SNX25: variants seen among roughly 807,000 people sequenced by gnomAD.
SNX25 encodes the protein sorting nexin 25.
Under a neutral mutation model 113.7 loss-of-function variants are expected in SNX25, and 62 were observed. That is an observed-to-expected ratio of 0.55 (90% confidence interval 0.44 to 0.67). The LOEUF is 0.67. SNX25 is among the 30% of genes least tolerant of loss of function. The pLI is 0.00. For synonymous variants in SNX25, 421 were observed against 436.2 expected (o/e 0.97, Z 0.43); for missense variants, 1,014 against 1,161.0 (o/e 0.87, Z 1.84).
intron 8 of SNX25, among the ~76,000 whole-genome samples, chr4:185,321,387 C>T (rs1039113740): frequency 1.3e-5 from 2 of 151,770 alleles, no homozygotes; most frequent in Admixed American, 6.6e-5. Flanking sequence ...CTCACACTCC[C>T]GAGTAGCTGG....
chr4:185,239,823 G>A (rs1579422538), intron 1 of SNX25, among the ~76,000 whole-genome samples: 1 of 144,294 alleles, frequency 6.9e-6, no homozygotes, highest in Non-Finnish European at 1.5e-5. Context: ...CGCAGAGGGG[G>A]ATTTGGCAGG....
intron 1 of SNX25, among the ~76,000 whole-genome samples, chr4:185,224,300 G>A (rs1438251998): frequency 1.3e-5 from 2 of 150,376 alleles, no homozygotes; most frequent in East Asian, 3.9e-4. Context: ...GTAGTGAGCC[G>A]AGATTGCGCC....
At chr4:185,255,767 C>G (rs1381053636) in intron 2 of SNX25, among the ~76,000 whole-genome samples, 1 of 152,138 alleles carries the variant, frequency 6.6e-6, no homozygotes, top group Admixed American at 6.5e-5. Flanking sequence ...TTTGCTACCT[C>G]TTTGAGCAAG....
At chr4:185,317,596 A>G (rs978384203) in intron 7 of SNX25, among the ~76,000 whole-genome samples, 1 of 152,218 alleles carries the variant, frequency 6.6e-6, no homozygotes, top group Non-Finnish European at 1.5e-5. Flanking sequence ...GATAGACTGG[A>G]AGAAGAAAAT....
At chr4:185,278,799 C>T (rs1002880966) in intron 5 of SNX25, among the ~76,000 whole-genome samples, 8 of 152,074 alleles carry the variant, frequency 5.3e-5, no homozygotes, top group African/African-American at 1.2e-4. Flanking sequence ...GAAACATATA[C>T]GAATGGTGCT....
At chr4:185,339,246 G>T in intron 10 of SNX25, 133 bp from the exon 11 acceptor site, 5 of 707,198 alleles carry the variant, frequency 7.1e-6, no homozygotes, top group South Asian at 3.6e-5. Flanking sequence ...TCTTAATTTT[G>T]TTTTTGGATT....
At chr4:185,297,944 A>G (rs1394739845) in intron 6 of SNX25, among the ~76,000 whole-genome samples, 2 of 152,182 alleles carry the variant, frequency 1.3e-5, no homozygotes, top group Non-Finnish European at 2.9e-5. Context: ...CACAAACCTA[A>G]GTCAACCTTG....
chr4:185,260,532 C>G (rs1747143117), intron 3 of SNX25, among the ~76,000 whole-genome samples: 1 of 152,114 alleles, frequency 6.6e-6, no homozygotes, highest in Non-Finnish European at 1.5e-5. Context: ...CTCAGGAGAG[C>G]CAACATTTGC....
chr4:185,269,737 T>C (rs1487761639), intron 5 of SNX25, among the ~76,000 whole-genome samples: 1 of 151,976 alleles, frequency 6.6e-6, no homozygotes, highest in Non-Finnish European at 1.5e-5. Context: ...TGTTGTTGTT[T>C]TGTTGTTGTT....
chr4:185,273,471 T>C lies in SNX25; in HGVS notation c.1091+6316T>C, dbSNP rs146419701. The stretch of plus-strand genomic sequence containing the variant: ...TTTGATGTATGTACACATTGTGGAG[T>C]GATTACCACAAGCAAGCTAATTAAC... On this transcript the variant is annotated intron_variant, in intron 5 of 18. Coordinates refer to ENST00000652585, the MANE Select transcript of SNX25 (RefSeq NM_001378034.2). Among the ~76,000 whole-genome samples, 502 of 152,106 alleles carry C rather than the reference T, an allele frequency of 3.3e-3. 2 individuals carry two copies. Among genetic ancestry groups the C allele is most frequent in the African/African-American group, 0.011 (468 of 41,482 alleles).
exon 12 of SNX25, chr4:185,369,838 C>T (rs1051236953): frequency 2.7e-5 from 11 of 414,854 alleles, no homozygotes; most frequent in African/African-American, 2.3e-4. Flanking sequence ...TGTAAAAGAT[C>T]CTCGGGTGAT....
chr4:185,217,790 C>T (rs983267254), intron 1 of SNX25, among the ~76,000 whole-genome samples: 4 of 152,020 alleles, frequency 2.6e-5, no homozygotes, highest in Non-Finnish European at 5.9e-5. Context: ...AGTTTGGTGC[C>T]GAGCGTTCAG....
rs1553986602 is a variant in SNX25 at position 185,233,856 on chromosome 4, G to GTTGTTA, written c.430-13436_430-13435insGTTATT. On this transcript the variant is annotated intron_variant, in intron 1 of 18. Transcript: ENST00000652585. ...AATTGAATGGAAAAACAACTTAAGTGTTATTATTATTATTATTTTTAGATG... is the reference window on the plus strand; with the variant it reads ...AATTGAATGGAAAAACAACTTAAGTGTTGTTATTATTATTATTATTATTTTTAGATG... Among the ~76,000 whole-genome samples the GTTGTTA allele has an allele frequency of 5.3e-5, 8 of 151,252 alleles. No individual in the cohort carries two copies. In the East Asian group the frequency reaches 1.4e-3, roughly 26 times the overall value.
At chr4:185,215,228 C>CA (rs796144498) in intron 1 of SNX25, among the ~76,000 whole-genome samples, 201 of 142,018 alleles carry the variant, frequency 1.4e-3, no homozygotes, top group Admixed American at 2.7e-3. Flanking sequence ...GACTCCGTCT[C>CA]AAAAAAAAAA....
chr4:185,289,278 T>C (rs1751818618), intron 6 of SNX25, among the ~76,000 whole-genome samples: 1 of 152,188 alleles, frequency 6.6e-6, no homozygotes, highest in Non-Finnish European at 1.5e-5. Flanking sequence ...CAAAAAAATA[T>C]GTGTTATTTC....
At chr4:185,373,004 A>T, downstream of SNX25, 1 of 1,613,914 alleles carries the variant, frequency 6.2e-7, no homozygotes, top group Non-Finnish European at 8.5e-7. Flanking sequence ...CCTTGTCCAT[A>T]CAAGTACATG....
chr4:185,252,735 G>C (rs1283544115), intron 2 of SNX25, among the ~76,000 whole-genome samples: 2 of 152,140 alleles, frequency 1.3e-5, no homozygotes, highest in East Asian at 3.8e-4. Context: ...TATAAGTTAG[G>C]ATTTAAGTCT....
intron 1 of SNX25, among the ~76,000 whole-genome samples, chr4:185,229,975 C>T (rs1195379081): frequency 6.6e-6 from 1 of 151,960 alleles, no homozygotes; most frequent in Non-Finnish European, 1.5e-5. Flanking sequence ...ACTACAGGGA[C>T]GTGCCACCAT....
chr4:185,208,848 A>G (rs1451263659), upstream of SNX25, among the ~76,000 whole-genome samples: 2 of 152,268 alleles, frequency 1.3e-5, no homozygotes, highest in Non-Finnish European at 2.9e-5. Flanking sequence ...TTTAAGTAGC[A>G]TATTGGCATC....
Sources: allele counts gnomAD v4.1 joint callset (sites outside exome capture counted in the v4.1 genomes callset), GRCh38; gene constraint gnomAD v4.1.1; transcripts MANE v1.5; gene names NCBI Gene and HGNC (gene_info 2026-07-23, HGNC 2026-07-21).